C1QTNF5: variants seen among roughly 807,000 people sequenced by gnomAD.
C1QTNF5 encodes complement C1q tumor necrosis factor-related protein 5.
A neutral mutation model predicts 10.9 loss-of-function variants in C1QTNF5; 5 were observed. The ratio of observed to expected loss-of-function variants is 0.46; its 90% confidence interval spans 0.24 to 0.97. The LOEUF is 0.97. C1QTNF5 is among the 50% of genes least tolerant of loss of function. The probability of loss-of-function intolerance (pLI) is 0.19; values close to 1 mark genes in which losing one functional copy is unlikely to be tolerated. For synonymous variants in C1QTNF5, 161 were observed against 156.5 expected, an observed-to-expected ratio of 1.03 and a Z score of -0.22; for missense variants, 281 against 339.4, an observed-to-expected ratio of 0.83 and a Z score of 1.35.
In C1QTNF5 at chr11:119,340,778, T is replaced by G; in HGVS notation, c.-127A>C. The G allele has an allele frequency of 1.2e-5, 3 of 249,462 alleles. No individual in the cohort carries two copies. The highest frequency in any genetic ancestry group is 2.3e-5 in the Non-Finnish European group (3 of 128,744). 15.5% of individuals were successfully genotyped at this position (249,462 alleles called of 1,614,324 possible). ...GTTGGTGGTGCTCCAGCCCCCGCGC[T>G]TCTCCCCGGCCAGGCGCCCCCTGCC... On this transcript the variant is annotated 5_prime_UTR_variant, in exon 1 of 3. Coordinates refer to ENST00000528368, the MANE Select transcript of C1QTNF5 (RefSeq NM_001278431.2).
chr11:119,345,721 C>T (rs1950557624), upstream of C1QTNF5: 1 of 1,613,022 alleles, frequency 6.2e-7, no homozygotes, highest in Non-Finnish European at 8.5e-7. Context: ...CCCCTCAACC[C>T]CACCCCGTCA....
chr11:119,346,554 G>C, the C1QTNF5 span: 1 of 1,605,694 alleles, frequency 6.2e-7, no homozygotes, highest in Non-Finnish European at 8.5e-7. Context: ...CCCTGTGACA[G>C]CCCAAGACCC....
At position 119,340,378 on chromosome 11, in the gene C1QTNF5, A is replaced by G. The variant is rs1325027178; in HGVS notation, c.20T>C (p.Leu7Pro). The G allele has an allele frequency of 6.5e-7, 1 of 1,545,078 alleles. No homozygotes were observed. Among genetic ancestry groups the G allele is most frequent in the Non-Finnish European group, 8.7e-7 (1 of 1,145,928 alleles). MRPLLVLLLLGLAAGSP... is the reference protein window; with the variant it reads MRPLLVPLLLGLAAGSP... ...GCCGGCCGCCAGGCCCAGGAGCAGC[A>G]GGACGAGGAGTGGCCTCATAGCGCT... The change falls in exon 2 of 3, where the codon CTG (leucine) becomes CCG (proline). Residue 7 changes from leucine to proline, a missense_variant. Physicochemically the swap from Leu to Pro is moderately conservative, Grantham distance 98. Coordinates refer to ENST00000528368, the MANE Select transcript of C1QTNF5 (RefSeq NM_001278431.2).
upstream of C1QTNF5, chr11:119,341,609 CA>C (rs762892262): frequency 2.5e-6 from 4 of 1,612,962 alleles, no homozygotes; most frequent in South Asian, 1.1e-5. Context: ...GTTGAAGGGC[CA>C]GGGGGTGCCC....
upstream of C1QTNF5, chr11:119,344,388 C>T: frequency 6.2e-7 from 1 of 1,613,660 alleles, no homozygotes; most frequent in Non-Finnish European, 8.5e-7. Context: ...ATTCCCCCCA[C>T]ACCCTGTAGA....
rs1295573375 is a variant in C1QTNF5, at chr11:119,340,342, A to C, written c.56T>G (p.Leu19Arg). The change falls in exon 2 of 3, where the codon CTG becomes CGG. Residue 19 changes from leucine to arginine, a missense_variant. Leu to Arg is a moderately radical substitution (Grantham distance 102). Coordinates refer to ENST00000528368, the MANE Select transcript of C1QTNF5 (RefSeq NM_001278431.2). ...GAGGCTGGGGATCTTGTTGTCGTCCAGTGGGGGCGAGCCGGCCGCCAGGCC... is the reference window on the plus strand; with the variant it reads ...GAGGCTGGGGATCTTGTTGTCGTCCCGTGGGGGCGAGCCGGCCGCCAGGCC... The part of the protein sequence containing the change: ...LLGLAAGSPP[L>R]DDNKIPSLCP... 6.5e-7 allele frequency: 1 copy of C among 1,543,660 alleles called. No homozygotes were observed. The highest frequency in any genetic ancestry group is 2.0e-5 in the Admixed American group (1 of 50,748).
intron 2 of C1QTNF5, 133 bp downstream of exon 2, chr11:119,340,051 C>A (rs903854939): frequency 7.0e-6 from 9 of 1,285,740 alleles, no homozygotes; most frequent in Non-Finnish European, 9.2e-6. Flanking sequence ...TGGGCCCCTC[C>A]CCCGCTCAGG....
chr11:119,341,911 G>T (rs202139926), upstream of C1QTNF5: 25 of 1,614,000 alleles, frequency 1.5e-5, no homozygotes, highest in East Asian at 5.6e-4. Flanking sequence ...TGCCCACCCA[G>T]ATGTTAGGGA....
At chr11:119,346,568 A>G in the C1QTNF5 span, 1 of 1,580,440 alleles carries the variant, frequency 6.3e-7, no homozygotes, top group East Asian at 2.2e-5. Flanking sequence ...AAGACCCCCA[A>G]GGGCCCACTC....
chr11:119,343,760 G>A (rs138105835), upstream of C1QTNF5: 19 of 1,604,948 alleles, frequency 1.2e-5, no homozygotes, highest in South Asian at 5.5e-5. Flanking sequence ...CATGGAAGCC[G>A]GGGGTGGCAG....
At chr11:119,342,941 AACAGC>A, upstream of C1QTNF5, 1 of 1,612,556 alleles carries the variant, frequency 6.2e-7, no homozygotes, top group Non-Finnish European at 8.5e-7. Flanking sequence ...ATCTGTCCTA[AACAGC>A]ACAGCCAGCT....
At position 119,340,554 on chromosome 11, in the gene C1QTNF5, C is replaced by T. The variant is rs913885528; in HGVS notation, c.-43-114G>A. 6 of 764,294 alleles carry T rather than the reference C, an allele frequency of 7.9e-6. No homozygotes were observed. In the East Asian group the frequency reaches 9.2e-5, roughly 12 times the overall value. The allele number at this position is 764,294 out of a possible 1,614,324, so 47.3% of individuals were successfully genotyped here. A position where few individuals can be genotyped will look rare whatever the true frequency, so the allele number is the denominator to read the frequency against. The stretch of plus-strand genomic sequence containing the variant: ...CCACTGCCGTGCCCCTGAGGCTGAG[C>T]GCTCGCAGGGCCGAGCATCCGGAGA... On this transcript the variant is annotated intron_variant, in intron 1 of 2. Coordinates refer to ENST00000528368, the MANE Select transcript of C1QTNF5 (RefSeq NM_001278431.2).
upstream of C1QTNF5, chr11:119,343,918 A>G (rs369175679): frequency 4.0e-5 from 65 of 1,613,256 alleles, no homozygotes; most frequent in Non-Finnish European, 5.3e-5. Context: ...GTGGAACTGT[A>G]GTTCTATGCT....
chr11:119,340,588 A>G (rs905057665), intron 1 of C1QTNF5, 107 bp downstream of exon 1: 21 of 604,338 alleles, frequency 3.5e-5, no homozygotes, highest in Non-Finnish European at 5.9e-5. Context: ...GAGCACAGGC[A>G]GGCGCGAGAG....
upstream of C1QTNF5, chr11:119,341,195 A>C (rs568651050): frequency 8.0e-4 from 260 of 323,702 alleles, 9 homozygotes; most frequent in South Asian, 8.6e-3. Context: ...TGCCACATGA[A>C]TAGATGCTCA....
At position 119,339,564 on chromosome 11, in the gene C1QTNF5, CAAACTGCAGGCTG is replaced by C. The variant is rs747980638; in HGVS notation, c.486_498del (p.Ser163IlefsTer3). 6.2e-7 allele frequency: 1 copy of C among 1,613,624 alleles called. No individual in the cohort carries two copies. The highest frequency in any genetic ancestry group is 1.1e-5 in the South Asian group (1 of 91,086). ...ATGGATTCGCCATTCTTCACCAGAT[CAAACTGCAGGCTG>C]GCCCGGTAGACGGTGGCATGGACGG... On this transcript the variant is annotated frameshift_variant, in exon 3 of 3. Coordinates refer to ENST00000528368, the MANE Select transcript of C1QTNF5 (RefSeq NM_001278431.2). LOFTEE classifies it high-confidence loss of function. The surrounding 1 kb of genome is among the most constrained non-coding windows in gnomAD (Gnocchi z 5.4).
chr11:119,345,483 C>G (rs371531353), upstream of C1QTNF5: 1 of 1,614,090 alleles, frequency 6.2e-7, no homozygotes, highest in Non-Finnish European at 8.5e-7. Flanking sequence ...AGAGGCCACA[C>G]TCTCTATGCT....
In C1QTNF5 at chr11:119,340,365, G is replaced by A; in HGVS notation, c.33C>T (p.Gly11=). The A allele has an allele frequency of 6.5e-7, 1 of 1,544,748 alleles. No homozygotes were observed. Among genetic ancestry groups the A allele is most frequent in the Non-Finnish European group, 8.7e-7 (1 of 1,145,724 alleles). ...CCAGTGGGGGCGAGCCGGCCGCCAG[G>A]CCCAGGAGCAGCAGGACGAGGAGTG... The part of the protein sequence containing the change: MRPLLVLLLL[G]LAAGSPPLDD... Residue 11 remains glycine, a synonymous_variant, in exon 2 of 3, where the codon GGC becomes GGT. Transcript: ENST00000528368.
Position 119,340,233 on chromosome 11 carries a change from G to A in C1QTNF5, c.165C>T (p.Arg55=). ...CTCCCGGAGCCCCGGGCGCGCCGTC[G>A]CGGCCGTCGCGGCCATCGCGGCCCG... The part of the protein sequence containing the change: ...GLPGRDGRDG[R]DGAPGAPGEK... Residue 55 remains arginine, a synonymous_variant, in exon 2 of 3, where the codon CGC becomes CGT. Transcript: ENST00000528368. 1 of 1,512,302 alleles carries A rather than the reference G, an allele frequency of 6.6e-7. No individual in the cohort carries two copies. The highest frequency in any genetic ancestry group is 8.8e-7 in the Non-Finnish European group (1 of 1,133,332). The allele number at this position is 1,512,302 out of a possible 1,614,324, so 93.7% of individuals were successfully genotyped here. A position where few individuals can be genotyped will look rare whatever the true frequency, so the allele number is the denominator to read the frequency against.
Sources: gnomAD v4.1 joint callset for allele counts on GRCh38, gnomAD v4.1.1 for gene constraint, Gnocchi (gnomAD v3.1) non-coding constraint, MANE v1.5 for transcripts, NCBI Gene and HGNC (gene_info 2026-07-23, HGNC 2026-07-21) for gene names.